Variants in RGS14 observed in about 807,000 individuals in gnomAD.
RGS14 encodes regulator of G-protein signaling 14.
A neutral mutation model predicts 63.8 loss-of-function variants in RGS14; 33 were observed. The ratio of observed to expected loss-of-function variants is 0.52; its 90% CI spans 0.39 to 0.69. The LOEUF is 0.69. Among genes scored for constraint, RGS14 ranks in the 30% least tolerant of loss-of-function variants. The probability of loss-of-function intolerance (pLI) is 0.00; values close to 1 mark genes in which losing one functional copy is unlikely to be tolerated. For missense variants in RGS14, 739 were observed against 742.9 expected (o/e 0.99, Z 0.06); for synonymous variants, 296 against 320.9 (o/e 0.92, Z 0.83).
rs59704205 is a variant in RGS14, at chr5:177,365,947, G to T, written c.46-16G>T. ...TCACTGGGCTCTTCTGACTTTCTCT[G>T]TTGGGTCTCTTATAGGTTCTGGCTG... On this transcript the variant is annotated splice_polypyrimidine_tract_variant and intron_variant, in intron 1 of 14. Transcript: ENST00000408923. 61 of 1,614,004 alleles carry T rather than the reference G, an allele frequency of 3.8e-5. No individual in the cohort carries two copies. The African/African-American group carries it at 6.7e-4, about 18-fold the overall frequency.
At position 177,366,721 on chromosome 5, in the gene RGS14, A is replaced by G; in HGVS notation, c.260A>G (p.Lys87Arg). The G allele has an allele frequency of 6.2e-7, 1 of 1,614,102 alleles. No homozygotes were observed. Residue 87 changes from lysine to arginine, a missense_variant, in exon 4 of 15, where the codon AAG (lysine) becomes AGG (arginine). Lys to Arg is a conservative substitution (Grantham distance 26). Coordinates refer to ENST00000408923, the MANE Select transcript of RGS14 (RefSeq NM_006480.5). ...GLAYFTEFLK[K>R]EFSAENVTFW... ...TTCCCCTCCCAGGAGTTCCTGAAGA[A>G]GGAGTTCAGCGCGGAAAACGTGACT...
In RGS14 at chr5:177,370,571, C is replaced by G; in HGVS notation, c.1054-20C>G. On this transcript the variant is annotated intron_variant, in intron 9 of 14. Coordinates refer to ENST00000408923, the MANE Select transcript of RGS14 (RefSeq NM_006480.5). ...GGGTTGGGGGAGGGACTCTTAGACC[C>G]TGCCTGGCATCCACAGAAGGCCCTG... 6.2e-7 allele frequency: 1 copy of G among 1,612,728 alleles called. No individual in the cohort carries two copies. Among genetic ancestry groups the G allele is most frequent in the Non-Finnish European group, 8.5e-7 (1 of 1,178,872 alleles).
At position 177,366,335 on chromosome 5, in the gene RGS14, C is replaced by G; in HGVS notation, c.226C>G (p.Leu76Val). The G allele has an allele frequency of 1.3e-6, 2 of 1,548,828 alleles. No homozygotes were observed. The highest frequency in any genetic ancestry group is 1.7e-6 in the Non-Finnish European group (2 of 1,146,638). Residue 76 changes from leucine (L) to valine (V), a missense_variant, in exon 3 of 15, where the codon CTG (leucine) becomes GTG (valine). Transcript: ENST00000408923. ...LSFERLLQDP[L>V]GLAYFTEFLK... ...CTTCGAGCGGCTGTTGCAGGACCCG[C>G]TGGGCCTGGCTTACTTCACTGTAAG...
Position 177,358,123 on chromosome 5 carries a change from T to G in RGS14, c.45+54T>G. The G allele has an allele frequency of 7.0e-6, 9 of 1,278,968 alleles. No homozygotes were observed. The highest frequency in any genetic ancestry group is 8.0e-6 in the Non-Finnish European group (8 of 998,646). 79.2% of individuals were successfully genotyped at this position (1,278,968 alleles called of 1,614,324 possible). A position where few individuals can be genotyped will look rare whatever the true frequency, so the allele number is the denominator to read the frequency against. Reference sequence around the variant, plus strand: ...GAGGAGGGGGTGGGCACACCCAGGGTGGAGCCCAGGAGGCACACCCGGCAG... The same window carrying G: ...GAGGAGGGGGTGGGCACACCCAGGGGGGAGCCCAGGAGGCACACCCGGCAG... On this transcript the variant is annotated intron_variant, in intron 1 of 14. Coordinates refer to ENST00000408923, the MANE Select transcript of RGS14 (RefSeq NM_006480.5). The surrounding 1 kb of genome is among the most constrained non-coding windows in gnomAD (Gnocchi z 4.8).
At chr5:177,361,151 G>A (rs1241368889) in intron 1 of RGS14, among the ~76,000 whole-genome samples, 1 of 152,158 alleles carries the variant, frequency 6.6e-6, no homozygotes, top group Non-Finnish European at 1.5e-5. Flanking sequence ...TGTCCCTCGC[G>A]TCCAGCTCAG....
chr5:177,358,077 TG>T lies in RGS14; in HGVS notation c.45+11del. The T allele has an allele frequency of 7.4e-7, 1 of 1,345,342 alleles. No individual in the cohort carries two copies. The highest frequency in any genetic ancestry group is 9.6e-7 in the Non-Finnish European group (1 of 1,038,256). 83.3% of individuals were successfully genotyped at this position (1,345,342 alleles called of 1,614,324 possible). On this transcript the variant is annotated intron_variant, in intron 1 of 14. Transcript: ENST00000408923. This position sits in a 1 kb window ranked among gnomAD's most constrained non-coding sequence, Gnocchi z 4.8. ...GTCCCCAACGGGCGCATGGTGAGTG[TG>T]GGCTCCGGGCCAGGGCCACGAGGAG...
chr5:177,359,733 C>A lies in RGS14; in HGVS notation c.45+1664C>A, dbSNP rs181670636. Among the ~76,000 whole-genome samples, 1 of 152,240 alleles carries A rather than the reference C, an allele frequency of 6.6e-6. No homozygotes were observed. The highest frequency in any genetic ancestry group is 1.5e-5 in the Non-Finnish European group (1 of 68,034). On this transcript the variant is annotated intron_variant, in intron 1 of 14. Transcript: ENST00000408923. This position sits in a 1 kb window ranked among gnomAD's most constrained non-coding sequence, Gnocchi z 4.4. ...AATCCCGAGGGTCACAGATTGGCTG[C>A]CTGCTGGTCACTGAGTAGCTTCCCG...
chr5:177,360,857 G>A (rs1330170588), intron 1 of RGS14, among the ~76,000 whole-genome samples: 1 of 152,204 alleles, frequency 6.6e-6, no homozygotes, highest in Non-Finnish European at 1.5e-5. Flanking sequence ...AGGTTGCAGT[G>A]AGCCGAGTTC....
In RGS14 at chr5:177,371,953, C is replaced by A. The variant is rs1762282608; in HGVS notation, c.1579C>A (p.Leu527Ile). The change falls in exon 15 of 15, where the codon CTT (leucine) becomes ATT (isoleucine). Residue 527 changes from leucine (L) to isoleucine (I), a missense_variant. Physicochemically the swap from Leu to Ile is conservative, Grantham distance 5. Transcript: ENST00000408923. The surrounding 1 kb of genome is among the most constrained non-coding windows in gnomAD (Gnocchi z 6.1). ...CCTTCTGAGGAAAGAGGACCTGGTA[C>A]TTCCAGAATTTCTGCAGCTGCCCGC... ...RGLLRKEDLV[L>I]PEFLQLPAQG... 1 of 1,614,052 alleles carries A rather than the reference C, an allele frequency of 6.2e-7. No individual in the cohort carries two copies. Among genetic ancestry groups the A allele is most frequent in the South Asian group, 1.1e-5 (1 of 91,092 alleles).
intron 1 of RGS14, among the ~76,000 whole-genome samples, chr5:177,360,835 C>T (rs1761949239): frequency 6.6e-6 from 1 of 152,162 alleles, no homozygotes; most frequent in South Asian, 2.1e-4. Context: ...ATTGCTTGAA[C>T]CTGGGAGGCA....
At position 177,368,274 on chromosome 5, in the gene RGS14, G is replaced by C; in HGVS notation, c.849+8G>C. 6.2e-7 allele frequency: 1 copy of C among 1,605,692 alleles called. No individual in the cohort carries two copies. Among genetic ancestry groups the C allele is most frequent in the Non-Finnish European group, 8.5e-7 (1 of 1,174,572 alleles). ...GTCAGCAGCAAATCTGAGGTGAGCC[G>C]ACTGTTGGGGAAGACAAGATGCTCT... On this transcript the variant is annotated splice_region_variant and intron_variant, in intron 8 of 14. Coordinates refer to ENST00000408923, the MANE Select transcript of RGS14 (RefSeq NM_006480.5).
At position 177,357,967 on chromosome 5, in the gene RGS14, T is replaced by C; in HGVS notation, c.-58T>C. ...CCACCGTGCAAGCTCTGGCCGGCGC[T>C]GCCCACAGTCCCCATGGTGGGCAGC... is the stretch of plus-strand genomic sequence containing the variant. On this transcript the variant is annotated 5_prime_UTR_variant, in exon 1 of 15. Transcript: ENST00000408923. 2 of 1,306,892 alleles carry C rather than the reference T, an allele frequency of 1.5e-6. No homozygotes were observed. Among genetic ancestry groups the C allele is most frequent in the Non-Finnish European group, 2.0e-6 (2 of 1,020,268 alleles). The allele number at this position is 1,306,892 out of a possible 1,614,324, so 81.0% of individuals were successfully genotyped here. A position where few individuals can be genotyped will look rare whatever the true frequency, so the allele number is the denominator to read the frequency against.
chr5:177,358,094 C>T lies in RGS14; in HGVS notation c.45+25C>T. On this transcript the variant is annotated intron_variant, in intron 1 of 14. Transcript: ENST00000408923. The surrounding 1 kb of genome is among the most constrained non-coding windows in gnomAD (Gnocchi z 4.8). ...GGTGAGTGTGGGCTCCGGGCCAGGG[C>T]CACGAGGAGGGGGTGGGCACACCCA... The T allele has an allele frequency of 2.2e-6, 3 of 1,337,464 alleles. No homozygotes were observed. Among genetic ancestry groups the T allele is most frequent in the Non-Finnish European group, 2.9e-6 (3 of 1,034,544 alleles). 82.8% of individuals were successfully genotyped at this position (1,337,464 alleles called of 1,614,324 possible).
rs765087807 is a variant in RGS14, at chr5:177,367,054, T to C, written c.483+20T>C. On this transcript the variant is annotated intron_variant, in intron 5 of 14. Transcript: ENST00000408923. ...CTTCAGGTGGGCGATCCTGGGGGGA[T>C]TGGCCTTGAAAGGGAGACAAAAGGA... 49 of 1,591,766 alleles carry C rather than the reference T, an allele frequency of 3.1e-5. No homozygotes were observed. In the East Asian group the frequency reaches 9.0e-4, roughly 29 times the overall value.
chr5:177,365,236 G>A lies in RGS14; in HGVS notation c.46-727G>A, dbSNP rs560294538. Among the ~76,000 whole-genome samples the A allele has an allele frequency of 3.3e-5, 5 of 152,198 alleles. No individual in the cohort carries two copies. In the South Asian group the frequency reaches 6.2e-4, roughly 19 times the overall value. On this transcript the variant is annotated intron_variant, in intron 1 of 14. Transcript: ENST00000408923. Reference sequence around the variant, plus strand: ...AGACGGAGCTTTGCTCTTGTCACCCGGGCTGGAGGGCAATGCCACAATCTC... The same window carrying A: ...AGACGGAGCTTTGCTCTTGTCACCCAGGCTGGAGGGCAATGCCACAATCTC...
rs764685502 is a variant in RGS14 at position 177,372,059 on chromosome 5, C to T, written c.1685C>T (p.Thr562Ile). The T allele has an allele frequency of 2.4e-5, 38 of 1,613,862 alleles. No homozygotes were observed. Among genetic ancestry groups the T allele is most frequent in the Non-Finnish European group, 3.1e-5 (36 of 1,179,948 alleles). ...QPIGGSLNST[T>I]DSAL ...ATCGGGGGATCCTTGAACTCCACCA[C>T]CGACTCAGCCCTCTGACAGCTACCC... The change falls in exon 15 of 15, where the codon ACC becomes ATC. Residue 562 changes from threonine (T) to isoleucine (I), a missense_variant. Transcript: ENST00000408923.
chr5:177,366,828 G>A, intron 4 of RGS14, 28 bp downstream of exon 4: 1 of 1,614,092 alleles, frequency 6.2e-7, no homozygotes. Context: ...TGGGGCCGAG[G>A]GCTGGGGAGA....
At chr5:177,370,769 C>G in intron 10 of RGS14, 105 bp downstream of exon 10, 5 of 1,493,286 alleles carry the variant, frequency 3.3e-6, no homozygotes, top group Non-Finnish European at 4.5e-6. Context: ...CTAGCCCCGC[C>G]CCTGGGACAA....
Position 177,366,361 on chromosome 5 carries a change from C to T in RGS14, c.246+6C>T. 1 of 1,537,488 alleles carries T rather than the reference C, an allele frequency of 6.5e-7. No individual in the cohort carries two copies. Among genetic ancestry groups the T allele is most frequent in the East Asian group, 2.5e-5 (1 of 40,772 alleles). ...TGGGCCTGGCTTACTTCACTGTAAG[C>T]CTGGGGTAGGGAAAGGGAAGGGGGG... On this transcript the variant is annotated splice_donor_region_variant and intron_variant, in intron 3 of 14. Transcript: ENST00000408923.
Sources: allele counts gnomAD v4.1 joint callset (sites outside exome capture counted in the v4.1 genomes callset), GRCh38; gene constraint gnomAD v4.1.1; non-coding constraint Gnocchi (gnomAD v3.1); transcripts MANE v1.5; gene names NCBI Gene and HGNC (gene_info 2026-07-23, HGNC 2026-07-21).